Variants in CRISPLD2 observed in about 807,000 individuals in gnomAD.
CRISPLD2 encodes cysteine rich secretory protein LCCL domain containing 2.
A neutral mutation model predicts 71.1 loss-of-function variants in CRISPLD2; 47 were observed. That is an observed-to-expected ratio of 0.66 (90% CI 0.52 to 0.84). The LOEUF is 0.84. Among genes scored for constraint, CRISPLD2 ranks in the 40% least tolerant of loss-of-function variants. CRISPLD2 has a pLI of 0.00. For synonymous variants in CRISPLD2, 317 were observed against 250.1 expected, an observed-to-expected ratio of 1.27 and a Z score of -2.52; for missense variants, 830 against 651.1, an observed-to-expected ratio of 1.27 and a Z score of -2.99.
At chr16:84,897,767 C>T (rs543189245) in intron 14 of CRISPLD2, among the ~76,000 whole-genome samples, 2 of 152,328 alleles carry the variant, frequency 1.3e-5, no homozygotes, top group African/African-American at 4.8e-5. Flanking sequence ...CAGGCACCCA[C>T]TGCCAGGCCC....
At chr16:84,852,743 G>A (rs1917125356) in intron 5 of CRISPLD2, among the ~76,000 whole-genome samples, 1 of 152,118 alleles carries the variant, frequency 6.6e-6, no homozygotes, top group African/African-American at 2.4e-5. Context: ...GGCCTTGTGT[G>A]TGAGGGAAGG....
intron 3 of CRISPLD2, among the ~76,000 whole-genome samples, chr16:84,846,343 C>T (rs1916914573): frequency 6.6e-6 from 1 of 151,560 alleles, no homozygotes; most frequent in African/African-American, 2.4e-5. Flanking sequence ...ACCTCTGTCT[C>T]CTGGGTTCAA....
At chr16:84,887,015 T>A (rs2071619349) in intron 13 of CRISPLD2, among the ~76,000 whole-genome samples, 1 of 152,222 alleles carries the variant, frequency 6.6e-6, no homozygotes, top group African/African-American at 2.4e-5. Flanking sequence ...CTCCAGGAAT[T>A]TGACTTCTTT....
chr16:84,849,733 T>G (rs1267213824), intron 4 of CRISPLD2, among the ~76,000 whole-genome samples: 1 of 151,692 alleles, frequency 6.6e-6, no homozygotes, highest in Non-Finnish European at 1.5e-5. Context: ...TTTTTTTCTT[T>G]GAGGCAGTGT....
intron 3 of CRISPLD2, 53 bp downstream of exon 3, chr16:84,845,957 C>T (rs371070659): frequency 1.8e-5 from 22 of 1,199,766 alleles, no homozygotes; most frequent in South Asian, 7.7e-5. Flanking sequence ...TGCCGTGTGC[C>T]GGGCTCAGCA....
At chr16:84,866,830 T>G in intron 6 of CRISPLD2, 67 bp from the exon 7 acceptor site, 1 of 1,506,432 alleles carries the variant, frequency 6.6e-7, no homozygotes, top group Non-Finnish European at 9.1e-7. Flanking sequence ...ATTGCTTTTT[T>G]TTCCCCAAAG....
chr16:84,866,902 A>C lies in CRISPLD2; in HGVS notation c.715A>C (p.Thr239Pro), dbSNP rs775634299. 1 of 1,613,858 alleles carries C rather than the reference A, an allele frequency of 6.2e-7. No homozygotes were observed. The highest frequency in any genetic ancestry group is 1.7e-5 in the Admixed American group (1 of 60,002). The change falls in exon 7 of 15, where the codon ACC becomes CCC. Residue 239 changes from threonine to proline, a missense_variant. Coordinates refer to ENST00000262424, the MANE Select transcript of CRISPLD2 (RefSeq NM_031476.4). ...CCTCCCTCTCCAATGTTAAGAAGAA[A>C]CCTACACTCCAAAACCTGAAACGGA... Reference protein sequence around the residue: ...CRNNLCYREETYTPKPETDEM... With the variant: ...CRNNLCYREEPYTPKPETDEM...
chr16:84,863,957 CAAAAAA>C (rs781013604), intron 6 of CRISPLD2, among the ~76,000 whole-genome samples: 1 of 80,830 alleles, frequency 1.2e-5, no homozygotes, highest in African/African-American at 4.3e-5. Flanking sequence ...AACTTCCTCT[CAAAAAA>C]AAAAAAAAAA....
At chr16:84,901,464 T>C (rs1190560446) in intron 14 of CRISPLD2, among the ~76,000 whole-genome samples, 1 of 145,874 alleles carries the variant, frequency 6.9e-6, no homozygotes, top group East Asian at 2.1e-4. Context: ...CACTCCTGGC[T>C]GCACTTTTTT....
intron 3 of CRISPLD2, among the ~76,000 whole-genome samples, chr16:84,848,169 G>C (rs943143656): frequency 7.9e-5 from 12 of 152,158 alleles, no homozygotes; most frequent in Non-Finnish European, 1.3e-4. Context: ...TGCCAGCCTT[G>C]AGTCTGCGTG....
At chr16:84,879,815 C>T (rs1420620784) in intron 12 of CRISPLD2, among the ~76,000 whole-genome samples, 4 of 152,298 alleles carry the variant, frequency 2.6e-5, no homozygotes, top group Admixed American at 1.3e-4. Flanking sequence ...AGATGGCTTC[C>T]GGCTGCCATT....
rs931226513 is a variant in CRISPLD2 at position 84,853,043 on chromosome 16, G to A, written c.609-1686G>A. On this transcript the variant is annotated intron_variant, in intron 5 of 14. Coordinates refer to ENST00000262424, the MANE Select transcript of CRISPLD2 (RefSeq NM_031476.4). The stretch of plus-strand genomic sequence containing the variant: ...GGTCACACCACTGCACTCCAGCCTG[G>A]GTGACAGAGCAAGACCCTGTCTCAA... Among the ~76,000 whole-genome samples the A allele has an allele frequency of 5.3e-5, 8 of 152,266 alleles. No homozygotes were observed. In the South Asian group the frequency reaches 1.7e-3, roughly 32 times the overall value.
intron 13 of CRISPLD2, among the ~76,000 whole-genome samples, chr16:84,886,187 C>A (rs2071611610): frequency 6.6e-6 from 1 of 152,072 alleles, no homozygotes; most frequent in Non-Finnish European, 1.5e-5. Context: ...ACCGCGCCGG[C>A]CAAATTGGTA....
At chr16:84,885,004 G>C (rs192370147) in intron 13 of CRISPLD2, among the ~76,000 whole-genome samples, 1 of 152,238 alleles carries the variant, frequency 6.6e-6, no homozygotes. Context: ...TTGGCAGTGC[G>C]AGCAATGCTG....
intron 6 of CRISPLD2, chr16:84,863,206 C>T (rs1336395848): frequency 6.6e-6 from 1 of 152,176 alleles, no homozygotes; most frequent in African/African-American, 2.4e-5. Context: ...TGCCAATAGC[C>T]ACAGAGGGGC....
intron 13 of CRISPLD2, among the ~76,000 whole-genome samples, chr16:84,888,755 C>T (rs2071635245): frequency 6.6e-6 from 1 of 152,226 alleles, no homozygotes; most frequent in Admixed American, 6.5e-5. Context: ...TGTGCAGAGA[C>T]ATTCCCACGG....
intron 7 of CRISPLD2, 150 bp from the exon 8 acceptor site, chr16:84,868,701 G>A (rs751429048): frequency 8.9e-6 from 6 of 675,622 alleles, no homozygotes; most frequent in East Asian, 6.0e-5. Flanking sequence ...AGCCCCCAGC[G>A]GAAGCCTGCA....
chr16:84,847,232 C>G (rs923125063), intron 3 of CRISPLD2, among the ~76,000 whole-genome samples: 7 of 152,216 alleles, frequency 4.6e-5, no homozygotes, highest in African/African-American at 1.7e-4. Context: ...GCAGCCGCAC[C>G]TTCCTCTGCA....
At chr16:84,829,831 G>A (rs994566101) in intron 1 of CRISPLD2, among the ~76,000 whole-genome samples, 7 of 152,202 alleles carry the variant, frequency 4.6e-5, no homozygotes, top group African/African-American at 1.7e-4. Flanking sequence ...ATCAGTTTGT[G>A]GACCACATGA....
Sources: allele counts gnomAD v4.1 joint callset (sites outside exome capture counted in the v4.1 genomes callset), GRCh38; gene constraint gnomAD v4.1.1; transcripts MANE v1.5; gene names NCBI Gene and HGNC (gene_info 2026-07-23, HGNC 2026-07-21).